Variants in DCC observed in about 807,000 individuals in gnomAD.
DCC encodes netrin receptor DCC.
Under a neutral mutation model 172.5 loss-of-function variants are expected in DCC, and 58 were observed. That is an observed-to-expected ratio of 0.34 (90% CI 0.27 to 0.42). DCC has a LOEUF of 0.42. Ranked by LOEUF, DCC falls within the 10% of genes least tolerant of loss-of-function variation. DCC has a pLI of 1.00. For missense variants in DCC, 1,740 were observed against 1,791.0 expected, an observed-to-expected ratio of 0.97 and a Z score of 0.51; for synonymous variants, 709 against 644.5, an observed-to-expected ratio of 1.10 and a Z score of -1.52.
At chr18:53,527,092 T>A (rs2046466061) in intron 28 of DCC, 1 of 5,066 alleles carries the variant, frequency 2.0e-4, no homozygotes, top group Non-Finnish European at 3.8e-4. Context: ...CATGGATACG[T>A]GTGTGTGTGT....
chr18:52,584,983 T>A (rs1366247231), intron 1 of DCC, among the ~76,000 whole-genome samples: 1 of 152,196 alleles, frequency 6.6e-6, no homozygotes, highest in Non-Finnish European at 1.5e-5. Context: ...ACTAAACATT[T>A]AGAACTTCAT....
intron 1 of DCC, among the ~76,000 whole-genome samples, chr18:52,748,284 A>G (rs1257342560): frequency 6.6e-6 from 1 of 152,188 alleles, no homozygotes; most frequent in East Asian, 1.9e-4. Context: ...GAACACGGTG[A>G]CACCCAAAAA....
At chr18:53,497,542 C>G (rs113699980) in intron 26 of DCC, among the ~76,000 whole-genome samples, 1 of 152,188 alleles carries the variant, frequency 6.6e-6, no homozygotes, top group African/African-American at 2.4e-5. Context: ...AATTGACCAT[C>G]GGTCATAGTC....
intron 27 of DCC, among the ~76,000 whole-genome samples, chr18:53,520,129 G>C (rs1474743319): frequency 1.3e-5 from 2 of 152,078 alleles, no homozygotes; most frequent in Non-Finnish European, 2.9e-5. Context: ...AGTCTCCCAG[G>C]AAGTGTGGCA....
chr18:52,696,185 A>G (rs2036008807), intron 1 of DCC, among the ~76,000 whole-genome samples: 1 of 152,238 alleles, frequency 6.6e-6, no homozygotes, highest in South Asian at 2.1e-4. Flanking sequence ...ACATCCTTAA[A>G]GTTATATACA....
chr18:52,481,546 A>C (rs2144583409), intron 1 of DCC, among the ~76,000 whole-genome samples: 1 of 152,134 alleles, frequency 6.6e-6, no homozygotes, highest in South Asian at 2.1e-4. Flanking sequence ...CACAACTTTC[A>C]TCTTCTGATG....
intron 5 of DCC, among the ~76,000 whole-genome samples, chr18:53,023,314 G>A (rs1223352784): frequency 1.5e-5 from 2 of 136,968 alleles, no homozygotes; most frequent in African/African-American, 5.4e-5. Flanking sequence ...TTTCTTATAA[G>A]ACCCTAAAAC....
chr18:53,490,661 G>A (rs1242953333), intron 26 of DCC, among the ~76,000 whole-genome samples: 1 of 152,152 alleles, frequency 6.6e-6, no homozygotes, highest in Non-Finnish European at 1.5e-5. Flanking sequence ...AGAGATCTTG[G>A]CAGAGCTAAA....
chr18:52,451,788 G>T (rs1343823491), intron 1 of DCC, among the ~76,000 whole-genome samples: 1 of 152,212 alleles, frequency 6.6e-6, no homozygotes, highest in East Asian at 1.9e-4. Context: ...TCCTGATTTT[G>T]CAGGTCCCTG....
intron 5 of DCC, among the ~76,000 whole-genome samples, chr18:52,935,385 T>C (rs1334122391): frequency 6.6e-6 from 1 of 152,076 alleles, no homozygotes; most frequent in African/African-American, 2.4e-5. Context: ...TAATAGTAAA[T>C]ATATCATTAA....
At chr18:52,486,332 C>T (rs1446348577) in intron 1 of DCC, among the ~76,000 whole-genome samples, 7 of 152,100 alleles carry the variant, frequency 4.6e-5, no homozygotes, top group African/African-American at 7.2e-5. Context: ...CAACTAATGC[C>T]GTAATGTTTA....
At chr18:53,130,199 T>C (rs2043629754) in intron 7 of DCC, among the ~76,000 whole-genome samples, 1 of 152,134 alleles carries the variant, frequency 6.6e-6, no homozygotes, top group African/African-American at 2.4e-5. Context: ...ATTGTGTTAG[T>C]AGGCAACATT....
chr18:53,321,077 A>G (rs1287382843), intron 13 of DCC, among the ~76,000 whole-genome samples: 1 of 152,216 alleles, frequency 6.6e-6, no homozygotes, highest in Non-Finnish European at 1.5e-5. Context: ...CCTTACTACT[A>G]AGTATTCATC....
At chr18:53,454,862 T>C (rs2045464563) in intron 23 of DCC, among the ~76,000 whole-genome samples, 1 of 152,230 alleles carries the variant, frequency 6.6e-6, no homozygotes, top group Admixed American at 6.5e-5. Flanking sequence ...ATTTGAACTA[T>C]CAGCTACCTT....
intron 7 of DCC, among the ~76,000 whole-genome samples, chr18:53,152,592 A>G (rs1228748445): frequency 6.7e-6 from 1 of 149,398 alleles, no homozygotes; most frequent in African/African-American, 2.5e-5. Context: ...AGAAAAAAAA[A>G]GACTGTCATT....
intron 1 of DCC, among the ~76,000 whole-genome samples, chr18:52,659,988 C>A (rs2035326096): frequency 6.6e-6 from 1 of 152,148 alleles, no homozygotes; most frequent in Non-Finnish European, 1.5e-5. Context: ...CTGAATCTAA[C>A]CATTTCAGAT....
intron 1 of DCC, among the ~76,000 whole-genome samples, chr18:52,519,794 A>C (rs779341957): frequency 6.6e-6 from 1 of 152,210 alleles, no homozygotes; most frequent in Non-Finnish European, 1.5e-5. Context: ...TTGCAATTGA[A>C]AGCTGCCTGA....
intron 5 of DCC, among the ~76,000 whole-genome samples, chr18:53,013,753 T>C (rs2041766183): frequency 6.6e-6 from 1 of 151,914 alleles, no homozygotes; most frequent in Non-Finnish European, 1.5e-5. Context: ...CTACCCCTGC[T>C]TTTCTCAAGA....
intron 12 of DCC, among the ~76,000 whole-genome samples, chr18:53,270,065 A>T (rs771138579): frequency 6.6e-6 from 1 of 152,186 alleles, no homozygotes; most frequent in Non-Finnish European, 1.5e-5. Context: ...TGCTGGAAAC[A>T]CTAGTTGGAG....
Sources: allele counts gnomAD v4.1 joint callset (sites outside exome capture counted in the v4.1 genomes callset), GRCh38; gene constraint gnomAD v4.1.1; transcripts MANE v1.5; gene names NCBI Gene and HGNC (gene_info 2026-07-23, HGNC 2026-07-21).